The following FOXJ3 variants were observed in gnomAD, a reference collection of about 807,000 sequenced individuals.
The protein encoded by FOXJ3 is forkhead box J3.
A neutral mutation model predicts 76.1 loss-of-function variants in FOXJ3; 22 were observed. The observed-to-expected ratio is 0.29, with a 90% CI of 0.21 to 0.41. FOXJ3 has a LOEUF of 0.41. Ranked by LOEUF, FOXJ3 falls within the 10% of genes least tolerant of loss-of-function variation. FOXJ3 has a pLI of 1.00. For missense variants in FOXJ3, 613 were observed against 762.1 expected (o/e 0.80, Z 2.30); for synonymous variants, 269 against 261.2 (o/e 1.03, Z -0.29).
intron 2 of FOXJ3, among the ~76,000 whole-genome samples, chr1:42,301,151 T>G (rs1225653260): frequency 6.6e-6 from 1 of 152,184 alleles, no homozygotes; most frequent in Non-Finnish European, 1.5e-5. Flanking sequence ...CTATAACCTG[T>G]AAGTTTGGAT....
intron 11 of FOXJ3, among the ~76,000 whole-genome samples, chr1:42,186,601 A>C (rs1569775315): frequency 1.3e-5 from 2 of 152,162 alleles, no homozygotes; most frequent in African/African-American, 4.8e-5. Context: ...AGATGACTAC[A>C]GAAGTTGAGG....
At chr1:42,210,399 G>A (rs2124354207) in intron 5 of FOXJ3, among the ~76,000 whole-genome samples, 1 of 152,228 alleles carries the variant, frequency 6.6e-6, no homozygotes, top group South Asian at 2.1e-4. Flanking sequence ...AGTACCTTGG[G>A]TAACATAAGG....
rs184624449 is a variant in FOXJ3, at chr1:42,299,988, G to C, written c.44+11062C>G. On this transcript the variant is annotated intron_variant, in intron 2 of 12. Transcript: ENST00000361346. ...AAGGCCCAGGTGGGCGGATCACGAG[G>C]TCAGGAGTTTGAGACCTGCCTGGCC... is the stretch of plus-strand genomic sequence containing the variant. Among the ~76,000 whole-genome samples the C allele has an allele frequency of 4.7e-3, 712 of 152,096 alleles. 2 individuals are homozygous for C. The highest frequency in any genetic ancestry group is 7.1e-3 in the Non-Finnish European group (483 of 68,000).
At chr1:42,279,682 T>C (rs182917281) in intron 2 of FOXJ3, among the ~76,000 whole-genome samples, 122 of 152,262 alleles carry the variant, frequency 8.0e-4, no homozygotes, top group Non-Finnish European at 1.0e-3. Context: ...ATTGTTAACT[T>C]TCAGCAGAGG....
intron 5 of FOXJ3, among the ~76,000 whole-genome samples, chr1:42,213,866 A>G (rs972716805): frequency 1.3e-5 from 2 of 152,284 alleles, no homozygotes; most frequent in African/African-American, 4.8e-5. Flanking sequence ...TGCACATCCC[A>G]ATGACTACAG....
Position 42,327,572 on chromosome 1 carries a change from C to T in FOXJ3, c.-18+7487G>A, listed in dbSNP as rs115849589. On this transcript the variant is annotated intron_variant, in intron 1 of 12. Coordinates refer to ENST00000361346, the MANE Select transcript of FOXJ3 (RefSeq NM_014947.5). ...CTCTGTAAGCAAACAAAATTTGCAACAGTTAGTAAGTTCTAGCAGTCTTTC... is the reference window on the plus strand; with the variant it reads ...CTCTGTAAGCAAACAAAATTTGCAATAGTTAGTAAGTTCTAGCAGTCTTTC... 7.1e-3 allele frequency among the ~76,000 whole-genome samples: 1,079 copies of T among 152,246 alleles called. 21 individuals are homozygous for T. The highest frequency in any genetic ancestry group is 0.025 in the African/African-American group (1,042 of 41,534).
chr1:42,297,399 G>A (rs1653857446), intron 2 of FOXJ3, among the ~76,000 whole-genome samples: 1 of 152,148 alleles, frequency 6.6e-6, no homozygotes, highest in Non-Finnish European at 1.5e-5. Context: ...GATGTTGTCT[G>A]TAGGTTTGTC....
intron 1 of FOXJ3, among the ~76,000 whole-genome samples, chr1:42,317,470 G>A (rs1229052852): frequency 2.1e-5 from 3 of 140,226 alleles, no homozygotes; most frequent in Non-Finnish European, 4.5e-5. Context: ...TCACCACAGA[G>A]TATCTATCAG....
intron 5 of FOXJ3, among the ~76,000 whole-genome samples, chr1:42,224,662 A>C (rs932372167): frequency 6.6e-6 from 1 of 152,038 alleles, no homozygotes; most frequent in African/African-American, 2.4e-5. Flanking sequence ...CAAAAGAAAA[A>C]ATAAATAAAT....
At chr1:42,221,534 C>A (rs1342843531) in intron 5 of FOXJ3, among the ~76,000 whole-genome samples, 1 of 152,058 alleles carries the variant, frequency 6.6e-6, no homozygotes, top group African/African-American at 2.4e-5. Flanking sequence ...TGGCTCACTG[C>A]AACCTCAAAC....
intron 8 of FOXJ3, among the ~76,000 whole-genome samples, chr1:42,194,214 T>C (rs747560316): frequency 4.6e-5 from 7 of 152,210 alleles, no homozygotes; most frequent in African/African-American, 7.2e-5. Flanking sequence ...TTCCCAACAA[T>C]TTCTGACAAT....
chr1:42,322,454 TA>T (rs775788189), intron 1 of FOXJ3, among the ~76,000 whole-genome samples: 44 of 151,846 alleles, frequency 2.9e-4, no homozygotes, highest in South Asian at 1.9e-3. Context: ...TTGAAATACT[TA>T]AAAAAAAGGT....
intron 2 of FOXJ3, among the ~76,000 whole-genome samples, chr1:42,285,832 A>G (rs1653019046): frequency 6.6e-6 from 1 of 152,224 alleles, no homozygotes; most frequent in South Asian, 2.1e-4. Context: ...TCTTTTCTGA[A>G]TAACACCTTT....
At chr1:42,249,476 T>C (rs1220568652) in intron 4 of FOXJ3, among the ~76,000 whole-genome samples, 4 of 152,160 alleles carry the variant, frequency 2.6e-5, no homozygotes, top group Non-Finnish European at 5.9e-5. Flanking sequence ...TGAAATAAGT[T>C]TTCTGGCCCC....
At chr1:42,247,522 T>C (rs1649645418) in intron 4 of FOXJ3, among the ~76,000 whole-genome samples, 1 of 152,068 alleles carries the variant, frequency 6.6e-6, no homozygotes, top group Admixed American at 6.5e-5. Context: ...AACAGGCACA[T>C]CAAAATTTGA....
rs114326800 is a variant in FOXJ3 at position 42,236,151 on chromosome 1, C to G, written c.445-8185G>C. Among the ~76,000 whole-genome samples the G allele has an allele frequency of 8.4e-3, 1,284 of 152,312 alleles. 15 individuals are homozygous for G. Among genetic ancestry groups the G allele is most frequent in the African/African-American group, 0.029 (1,223 of 41,566 alleles). On this transcript the variant is annotated intron_variant, in intron 4 of 12. Coordinates refer to ENST00000361346, the MANE Select transcript of FOXJ3 (RefSeq NM_014947.5). ...AGACTCATGTGGAGCAAGTAGGAAA[C>G]AGGAGGTTTTTGTTTAAGTGGTTTT...
At chr1:42,228,721 C>A (rs967809969) in intron 4 of FOXJ3, among the ~76,000 whole-genome samples, 1 of 152,054 alleles carries the variant, frequency 6.6e-6, no homozygotes, top group Non-Finnish European at 1.5e-5. Context: ...GAAACAAAGT[C>A]TGGATTTTTA....
At position 42,205,819 on chromosome 1, in the gene FOXJ3, C is replaced by T; in HGVS notation, c.573G>A (p.Glu191=). 1 of 1,612,296 alleles carries T rather than the reference C, an allele frequency of 6.2e-7. No homozygotes were observed. Among genetic ancestry groups the T allele is most frequent in the African/African-American group, 1.3e-5 (1 of 75,018 alleles). The change falls in exon 6 of 13, where the codon GAG becomes GAA. Residue 191 remains glutamate (E), a synonymous_variant. Transcript: ENST00000361346. ...YSIDSDSLGM[E]CIISGSASPT... Reference sequence around the variant, plus strand: ...GAGAGGCACTTCCCGAAATAATACACTCCATTCCCAAAGAATCTGAATCTA... The same window carrying T: ...GAGAGGCACTTCCCGAAATAATACATTCCATTCCCAAAGAATCTGAATCTA...
chr1:42,293,489 TA>T (rs1491526070), intron 2 of FOXJ3, among the ~76,000 whole-genome samples: 1 of 151,960 alleles, frequency 6.6e-6, no homozygotes, highest in African/African-American at 2.4e-5. Flanking sequence ...CTAAAATGTC[TA>T]AAAAAAATCT....
Sources: gnomAD v4.1 joint callset for allele counts (sites outside exome capture counted in the v4.1 genomes callset) on GRCh38, gnomAD v4.1.1 for gene constraint, MANE v1.5 for transcripts, NCBI Gene and HGNC (gene_info 2026-07-23, HGNC 2026-07-21) for gene names.